Variants in KCNMB2 observed in about 807,000 individuals in gnomAD.
KCNMB2 encodes calcium-activated potassium channel subunit beta-2.
A neutral mutation model predicts 24.5 loss-of-function variants in KCNMB2; 9 were observed. The observed-to-expected ratio is 0.37, with a 90% CI of 0.22 to 0.64. KCNMB2 has a LOEUF of 0.64. Among genes scored for constraint, KCNMB2 ranks in the 30% least tolerant of loss-of-function variants. The pLI, the probability that KCNMB2 is intolerant of heterozygous loss-of-function variation, is 0.63. For missense variants in KCNMB2, 226 were observed against 284.3 expected (o/e 0.79, Z 1.47); for synonymous variants, 109 against 104.4 (o/e 1.04, Z -0.27).
rs1315360813 is a variant in KCNMB2 at position 178,757,886 on chromosome 3, T to TATATATATCCAAGAGGATACAC, written c.-67-49436_-67-49435insCATATATATCCAAGAGGATACA. Among the ~76,000 whole-genome samples, 23 of 134,786 alleles carry TATATATATCCAAGAGGATACAC rather than the reference T, an allele frequency of 1.7e-4. 1 individual carries two copies. Among genetic ancestry groups the TATATATATCCAAGAGGATACAC allele is most frequent in the Non-Finnish European group, 3.4e-4 (21 of 62,516 alleles). 88.4% of individuals were successfully genotyped at this position (134,786 alleles called of 152,430 possible). ...ACATATATATATCCAAGAGGATACA[T>TATATATATCCAAGAGGATACAC]ATATATATCCAAGAGGATACATATA... On this transcript the variant is annotated intron_variant, in intron 1 of 4. Coordinates refer to ENST00000452583, the MANE Select transcript of KCNMB2 (RefSeq NM_181361.3).
chr3:178,661,753 A>G, intron 1 of KCNMB2, among the ~76,000 whole-genome samples: 1 of 152,200 alleles, frequency 6.6e-6, no homozygotes, highest in Non-Finnish European at 1.5e-5. Context: ...AATCTACTGA[A>G]TCAGAATCAG....
At chr3:178,596,010 G>C (rs1029495466) in intron 1 of KCNMB2, among the ~76,000 whole-genome samples, 4 of 152,052 alleles carry the variant, frequency 2.6e-5, no homozygotes, top group East Asian at 3.9e-4. Context: ...GGAGGAGAAT[G>C]ATGACCCCAA....
intron 1 of KCNMB2, among the ~76,000 whole-genome samples, chr3:178,750,288 G>A (rs970138118): frequency 6.6e-6 from 1 of 151,810 alleles, no homozygotes; most frequent in African/African-American, 2.4e-5. Flanking sequence ...AGGAAGTAAA[G>A]TTTTGACTTT....
At chr3:178,785,662 T>C (rs944888343) in intron 1 of KCNMB2, among the ~76,000 whole-genome samples, 5 of 152,102 alleles carry the variant, frequency 3.3e-5, no homozygotes, top group Non-Finnish European at 5.9e-5. Context: ...ATTCTGTTTC[T>C]TGACTTGGAT....
chr3:178,792,197 T>G (rs1713348864), intron 1 of KCNMB2, among the ~76,000 whole-genome samples: 1 of 152,170 alleles, frequency 6.6e-6, no homozygotes. Flanking sequence ...TTTCAAGACA[T>G]AGTATAATAA....
At chr3:178,622,666 A>G (rs1198479466) in intron 1 of KCNMB2, among the ~76,000 whole-genome samples, 1 of 152,156 alleles carries the variant, frequency 6.6e-6, no homozygotes, top group Non-Finnish European at 1.5e-5. Flanking sequence ...TCTTGCTGTG[A>G]TTCCTGAAAA....
chr3:178,653,096 T>A (rs1450605932), intron 1 of KCNMB2, among the ~76,000 whole-genome samples: 1 of 152,168 alleles, frequency 6.6e-6, no homozygotes, highest in Non-Finnish European at 1.5e-5. Context: ...CATCATCTTA[T>A]CCATATACTA....
intron 2 of KCNMB2, among the ~76,000 whole-genome samples, chr3:178,823,160 A>C (rs1279412789): frequency 6.6e-6 from 1 of 152,252 alleles, no homozygotes; most frequent in Non-Finnish European, 1.5e-5. Flanking sequence ...TGAAGTTTTA[A>C]AAGCTTTGAT....
At chr3:178,602,928 T>C (rs1445832519) in intron 1 of KCNMB2, among the ~76,000 whole-genome samples, 4 of 152,078 alleles carry the variant, frequency 2.6e-5, no homozygotes, top group Admixed American at 1.3e-4. Flanking sequence ...ATGTAGAGAA[T>C]ATATTGGAGT....
intron 1 of KCNMB2, among the ~76,000 whole-genome samples, chr3:178,574,310 G>T (rs1467578256): frequency 6.6e-6 from 1 of 152,190 alleles, no homozygotes; most frequent in South Asian, 2.1e-4. Context: ...GACTCTTCAC[G>T]CTCTGACTCT....
chr3:178,792,302 GTTTT>G (rs1159533144), intron 1 of KCNMB2, among the ~76,000 whole-genome samples: 1 of 151,986 alleles, frequency 6.6e-6, no homozygotes, highest in Non-Finnish European at 1.5e-5. Flanking sequence ...TCTGCTTGTT[GTTTT>G]TGTTTGTTTT....
intron 1 of KCNMB2, among the ~76,000 whole-genome samples, chr3:178,542,906 T>C (rs927532059): frequency 7.2e-5 from 11 of 152,176 alleles, no homozygotes; most frequent in African/African-American, 2.4e-4. Flanking sequence ...TCAGAAGGAA[T>C]GTAGGTAGTA....
At chr3:178,715,309 A>G (rs1722583384) in intron 1 of KCNMB2, among the ~76,000 whole-genome samples, 1 of 152,062 alleles carries the variant, frequency 6.6e-6, no homozygotes, top group Non-Finnish European at 1.5e-5. Flanking sequence ...ACAGATCCGA[A>G]AGAGCAGTGG....
At chr3:178,837,053 T>C (rs1229984879) in intron 4 of KCNMB2, among the ~76,000 whole-genome samples, 1 of 152,138 alleles carries the variant, frequency 6.6e-6, no homozygotes, top group Non-Finnish European at 1.5e-5. Context: ...AACAAAAACC[T>C]AGGCTCCTAG....
intron 1 of KCNMB2, among the ~76,000 whole-genome samples, chr3:178,636,014 T>G (rs1719508068): frequency 6.6e-6 from 1 of 152,204 alleles, no homozygotes; most frequent in Admixed American, 6.5e-5. Flanking sequence ...TATGTATGGT[T>G]TGAGCATTTT....
intron 1 of KCNMB2, among the ~76,000 whole-genome samples, chr3:178,764,689 G>A (rs758086456): frequency 3.3e-5 from 5 of 152,130 alleles, no homozygotes; most frequent in Non-Finnish European, 5.9e-5. Context: ...GAGTACTAAT[G>A]CCCAGTGCAG....
At chr3:178,579,928 T>G (rs1199309012) in intron 1 of KCNMB2, among the ~76,000 whole-genome samples, 1 of 152,160 alleles carries the variant, frequency 6.6e-6, no homozygotes, top group Non-Finnish European at 1.5e-5. Flanking sequence ...CACAGCCGAA[T>G]TCTATCAGAG....
chr3:178,759,906 CTA>C lies in KCNMB2; in HGVS notation c.-67-47423_-67-47422del, dbSNP rs761399675. Among the ~76,000 whole-genome samples, 2 of 1,410 alleles carry C rather than the reference CTA, an allele frequency of 1.4e-3. 1 individual carries two copies. Among genetic ancestry groups the C allele is most frequent in the Admixed American group, 0.019 (2 of 106 alleles). The allele number at this position is 1,410 out of a possible 152,430, so 0.9% of individuals were successfully genotyped here. A position where few individuals can be genotyped will look rare whatever the true frequency, so the allele number is the denominator to read the frequency against. On this transcript the variant is annotated intron_variant, in intron 1 of 4. Transcript: ENST00000452583. ...TATATATATATCCAAGAGGATATATCTATATATATATATATCCAAGAGGATAT... is the reference window on the plus strand; with the variant it reads ...TATATATATATCCAAGAGGATATATCTATATATATATATCCAAGAGGATAT...
At chr3:178,621,095 C>CA in intron 1 of KCNMB2, among the ~76,000 whole-genome samples, 1 of 152,090 alleles carries the variant, frequency 6.6e-6, no homozygotes, top group Admixed American at 6.6e-5. Context: ...GGAATATGCA[C>CA]AATGAATAGA....
Sources: allele counts gnomAD v4.1 joint callset (sites outside exome capture counted in the v4.1 genomes callset), GRCh38; gene constraint gnomAD v4.1.1; transcripts MANE v1.5; gene names NCBI Gene and HGNC (gene_info 2026-07-23, HGNC 2026-07-21).